NOVA1: variants seen among roughly 807,000 people sequenced by gnomAD.
NOVA1 encodes the protein RNA-binding protein Nova-1.
NOVA1 carries 7 observed loss-of-function variants against 38.0 expected under a neutral mutation model. The ratio of observed to expected loss-of-function variants is 0.18; its 90% confidence interval spans 0.10 to 0.35. The LOEUF is 0.35. Among genes scored for constraint, NOVA1 ranks in the 10% least tolerant of loss-of-function variants. NOVA1 has a pLI of 1.00. For synonymous variants in NOVA1, 270 were observed against 232.5 expected (o/e 1.16, Z -1.47); for missense variants, 460 against 616.0 (o/e 0.75, Z 2.68).
intron 4 of NOVA1, among the ~76,000 whole-genome samples, chr14:26,465,319 C>T (rs983808253): frequency 2.9e-4 from 44 of 152,060 alleles, no homozygotes; most frequent in Admixed American, 4.6e-4. Flanking sequence ...GGATTAAAGG[C>T]GTGCACCACC....
intron 2 of NOVA1, among the ~76,000 whole-genome samples, chr14:26,529,914 A>G (rs1889579275): frequency 6.6e-6 from 1 of 152,074 alleles, no homozygotes; most frequent in South Asian, 2.1e-4. Flanking sequence ...TGTAAATAAT[A>G]AACTATCTGA....
chr14:26,547,132 C>T (rs937903412), intron 2 of NOVA1, among the ~76,000 whole-genome samples: 1 of 151,988 alleles, frequency 6.6e-6, no homozygotes, highest in Non-Finnish European at 1.5e-5. Flanking sequence ...ATAAGTATTT[C>T]CTTAAAGTTT....
chr14:26,499,788 A>G lies in NOVA1; in HGVS notation c.281-19645T>C, dbSNP rs559846235. Among the ~76,000 whole-genome samples the G allele has an allele frequency of 1.2e-4, 19 of 152,268 alleles. 1 individual carries two copies. Among genetic ancestry groups the G allele is most frequent in the African/African-American group, 4.3e-4 (18 of 41,580 alleles). On this transcript the variant is annotated intron_variant, in intron 2 of 4. Transcript: ENST00000539517. The stretch of plus-strand genomic sequence containing the variant: ...AAAACAAACTCAATCTGTGTGACTT[A>G]TAAAGTGTTTTGTACATAGCAGAAA...
At chr14:26,589,861 A>G (rs991905913) in intron 2 of NOVA1, among the ~76,000 whole-genome samples, 1 of 151,884 alleles carries the variant, frequency 6.6e-6, no homozygotes. Flanking sequence ...AGCTGATGCC[A>G]TATCTTTAAA....
intron 4 of NOVA1, among the ~76,000 whole-genome samples, chr14:26,461,940 C>CA (rs146880662): frequency 0.63 from 95,849 of 151,476 alleles, 32,885 homozygotes; most frequent in Non-Finnish European, 0.75. Context: ...AACTCCGTCT[C>CA]AAAAAACAAA....
At chr14:26,550,331 G>A (rs1031907458) in intron 2 of NOVA1, among the ~76,000 whole-genome samples, 4 of 152,018 alleles carry the variant, frequency 2.6e-5, no homozygotes, top group Admixed American at 6.6e-5. Flanking sequence ...CTGAAATTCC[G>A]AATTACTTTA....
chr14:26,532,566 G>T, intron 2 of NOVA1, among the ~76,000 whole-genome samples: 1 of 152,154 alleles, frequency 6.6e-6, no homozygotes, highest in Non-Finnish European at 1.5e-5. Context: ...TGGGAAGGAT[G>T]GTCTGGCAAG....
chr14:26,479,636 T>C (rs572026137), intron 3 of NOVA1: 3 of 269,492 alleles, frequency 1.1e-5, no homozygotes, highest in East Asian at 6.6e-5. Context: ...GAATGTATCA[T>C]TGAAATACTT....
intron 2 of NOVA1, chr14:26,594,621 C>A (rs1894064652): frequency 6.6e-6 from 1 of 151,728 alleles, no homozygotes; most frequent in South Asian, 2.1e-4. Context: ...TCCCTTAAAC[C>A]TAAAATACAT....
At chr14:26,522,110 TATA>T (rs1404524569) in intron 2 of NOVA1, among the ~76,000 whole-genome samples, 2 of 152,088 alleles carry the variant, frequency 1.3e-5, no homozygotes, top group Non-Finnish European at 2.9e-5. Context: ...TCAATGTGCA[TATA>T]ATATTTTAGG....
In NOVA1 at chr14:26,445,088, G is replaced by A. The variant is rs1169555095; in HGVS notation, c.*2871C>T. On this transcript the variant is annotated 3_prime_UTR_variant, in exon 5 of 5. Coordinates refer to ENST00000539517, the MANE Select transcript of NOVA1 (RefSeq NM_002515.3). The stretch of plus-strand genomic sequence containing the variant: ...ATGCATTAAAAAGACATAGAAAGCT[G>A]CAGAACTGAGGTAATTCGTATTCAG... The A allele has an allele frequency of 6.6e-6, 1 of 152,114 alleles. No homozygotes were observed. The highest frequency in any genetic ancestry group is 1.5e-5 in the Non-Finnish European group (1 of 68,026). 9.4% of individuals were successfully genotyped at this position (152,114 alleles called of 1,614,324 possible). A position where few individuals can be genotyped will look rare whatever the true frequency, so the allele number is the denominator to read the frequency against.
chr14:26,506,873 C>T (rs1887676484), intron 2 of NOVA1, among the ~76,000 whole-genome samples: 1 of 152,066 alleles, frequency 6.6e-6, no homozygotes, highest in African/African-American at 2.4e-5. Context: ...AGCCACCGCG[C>T]CAGGCCAACA....
intron 2 of NOVA1, among the ~76,000 whole-genome samples, chr14:26,591,520 T>C (rs1893839604): frequency 6.6e-6 from 1 of 151,722 alleles, no homozygotes; most frequent in African/African-American, 2.4e-5. Context: ...GCATCTAAGA[T>C]CAAAGTACAG....
chr14:26,541,639 G>C (rs548220073), intron 2 of NOVA1, among the ~76,000 whole-genome samples: 172 of 149,856 alleles, frequency 1.1e-3, no homozygotes, highest in Non-Finnish European at 2.2e-3. Flanking sequence ...ACAGAATTTT[G>C]TTCTTCCTAA....
intron 2 of NOVA1, among the ~76,000 whole-genome samples, chr14:26,490,348 A>G (rs932822935): frequency 6.6e-6 from 1 of 152,108 alleles, no homozygotes; most frequent in East Asian, 1.9e-4. Context: ...CTTGTTCTCA[A>G]TTATTCTGTG....
intron 2 of NOVA1, among the ~76,000 whole-genome samples, chr14:26,516,596 A>G (rs1888480258): frequency 6.6e-6 from 1 of 152,170 alleles, no homozygotes; most frequent in South Asian, 2.1e-4. Flanking sequence ...CTATTTGGCT[A>G]CTCAATTAAC....
At chr14:26,503,402 C>T (rs1339953621) in intron 2 of NOVA1, among the ~76,000 whole-genome samples, 5 of 151,894 alleles carry the variant, frequency 3.3e-5, no homozygotes, top group Admixed American at 1.3e-4. Context: ...TGTAATCATC[C>T]AATGCAAAAA....
rs185795785 is a variant in NOVA1, at chr14:26,443,911, A to T, written c.*4048T>A. ...CCTACTAACAGAGTAACTAGTCTCA[A>T]ATAGTGCCTGTGATGTAAGGGGTAT... On this transcript the variant is annotated 3_prime_UTR_variant, in exon 5 of 5. Coordinates refer to ENST00000539517, the MANE Select transcript of NOVA1 (RefSeq NM_002515.3). 4 of 152,188 alleles carry T rather than the reference A, an allele frequency of 2.6e-5. No individual in the cohort carries two copies. The highest frequency in any genetic ancestry group is 9.6e-5 in the African/African-American group (4 of 41,548). 9.4% of individuals were successfully genotyped at this position (152,188 alleles called of 1,614,324 possible). A position where few individuals can be genotyped will look rare whatever the true frequency, so the allele number is the denominator to read the frequency against.
chr14:26,484,130 T>TGAA (rs1347238421), intron 2 of NOVA1, among the ~76,000 whole-genome samples: 2 of 151,878 alleles, frequency 1.3e-5, no homozygotes, highest in African/African-American at 2.4e-5. Flanking sequence ...TTGATATAGA[T>TGAA]GAAGGGTATA....
Sources: allele counts gnomAD v4.1 joint callset (sites outside exome capture counted in the v4.1 genomes callset), GRCh38; gene constraint gnomAD v4.1.1; transcripts MANE v1.5; gene names NCBI Gene and HGNC (gene_info 2026-07-23, HGNC 2026-07-21).